The following TOR1AIP1 variants were observed in gnomAD, a reference collection of about 807,000 sequenced individuals.
TOR1AIP1 encodes torsin-1A-interacting protein 1.
Under a neutral mutation model 63.3 loss-of-function variants are expected in TOR1AIP1, and 54 were observed. That is an observed-to-expected ratio of 0.85 (90% CI 0.69 to 1.07). The LOEUF is 1.07. Ranked by LOEUF, TOR1AIP1 falls within the 50% of genes least tolerant of loss-of-function variation. The pLI is 0.00. For missense variants in TOR1AIP1, 736 were observed against 715.0 expected (o/e 1.03, Z -0.33); for synonymous variants, 294 against 273.5 (o/e 1.07, Z -0.74).
intron 2 of TOR1AIP1, among the ~76,000 whole-genome samples, chr1:179,886,065 A>G (rs1017688427): frequency 2.6e-5 from 4 of 152,126 alleles, no homozygotes; most frequent in Non-Finnish European, 5.9e-5. Context: ...TGAATAGTCT[A>G]TGTTACTGTG....
intron 7 of TOR1AIP1, among the ~76,000 whole-genome samples, chr1:179,908,332 T>G (rs1648718483): frequency 6.6e-6 from 1 of 152,218 alleles, no homozygotes; most frequent in African/African-American, 2.4e-5. Flanking sequence ...ATAATTACTC[T>G]GTGATATGGA....
At chr1:179,895,720 C>T (rs1371990215) in intron 3 of TOR1AIP1, among the ~76,000 whole-genome samples, 2 of 151,872 alleles carry the variant, frequency 1.3e-5, no homozygotes, top group East Asian at 1.9e-4. Context: ...GCCAACATGG[C>T]GAAACCCCGT....
intron 3 of TOR1AIP1, among the ~76,000 whole-genome samples, chr1:179,899,572 A>G (rs1648383513): frequency 1.3e-5 from 2 of 152,214 alleles, no homozygotes; most frequent in South Asian, 4.1e-4. Context: ...GTAGAATTTA[A>G]TGTTTTTTTT....
At chr1:179,903,821 A>T in intron 5 of TOR1AIP1, 145 bp from the exon 6 acceptor site, 1 of 533,370 alleles carries the variant, frequency 1.9e-6, no homozygotes, top group Admixed American at 3.8e-5. Flanking sequence ...GAAATTTTTT[A>T]AATAAATTAT....
chr1:179,906,574 TA>T (rs1648637481), intron 6 of TOR1AIP1, among the ~76,000 whole-genome samples: 1 of 152,190 alleles, frequency 6.6e-6, no homozygotes, highest in African/African-American at 2.4e-5. Flanking sequence ...TAGCATGTTT[TA>T]CTTCATAGCT....
chr1:179,913,302 T>G (rs1648897713), intron 8 of TOR1AIP1, among the ~76,000 whole-genome samples: 1 of 152,104 alleles, frequency 6.6e-6, no homozygotes, highest in Admixed American at 6.6e-5. Context: ...AAAGTAGAAA[T>G]TTGACAGAGT....
chr1:179,918,363 C>G lies in TOR1AIP1; in HGVS notation c.*124C>G. 1 of 844,890 alleles carries G rather than the reference C, an allele frequency of 1.2e-6. No homozygotes were observed. Among genetic ancestry groups the G allele is most frequent in the Non-Finnish European group, 1.8e-6 (1 of 561,352 alleles). The allele number at this position is 844,890 out of a possible 1,614,324, so 52.3% of individuals were successfully genotyped here. ...TCTTTTTAAAGAAGTTAAGTGCTTA[C>G]ATAAACATGGAACATATAAATCATT... On this transcript the variant is annotated 3_prime_UTR_variant, in exon 10 of 10. Coordinates refer to ENST00000606911, the MANE Select transcript of TOR1AIP1 (RefSeq NM_015602.4).
Position 179,904,004 on chromosome 1 carries a change from T to C in TOR1AIP1, c.778T>C (p.Phe260Leu). The C allele has an allele frequency of 6.2e-7, 1 of 1,608,420 alleles. No individual in the cohort carries two copies. Among genetic ancestry groups the C allele is most frequent in the Non-Finnish European group, 8.5e-7 (1 of 1,176,306 alleles). The change falls in exon 6 of 10, where the codon TTT becomes CTT. Residue 260 changes from phenylalanine (F) to leucine (L), a missense_variant. Phe to Leu is a conservative substitution (Grantham distance 22). This residue lies in a region of TOR1AIP1 where 464 missense variants were observed against 371.0 expected (regional missense o/e 1.25). Coordinates refer to ENST00000606911, the MANE Select transcript of TOR1AIP1 (RefSeq NM_015602.4). The stretch of plus-strand genomic sequence containing the variant: ...ATCATCTAGTCAATATATAGAATCA[T>C]TTTGGCAGTCATCACAAAGTAAGTA... ...TRSSSQYIES[F>L]WQSSQSQNFT... is the part of the protein sequence containing the mutation.
rs532476723 is a variant in TOR1AIP1 at position 179,892,651 on chromosome 1, T to A, written c.610+3282T>A. Among the ~76,000 whole-genome samples, 16 of 147,166 alleles carry A rather than the reference T, an allele frequency of 1.1e-4. No homozygotes were observed. In the East Asian group the frequency reaches 2.9e-3, roughly 26 times the overall value. On this transcript the variant is annotated intron_variant, in intron 3 of 9. Coordinates refer to ENST00000606911, the MANE Select transcript of TOR1AIP1 (RefSeq NM_015602.4). ...TACTTGGGAGGCTGAGGCAGGAGAA[T>A]GGCGTGAAGTTGGGAGGTGGTGCTT...
chr1:179,882,850 C>G lies in TOR1AIP1; in HGVS notation c.348C>G (p.Pro116=), dbSNP rs1647767763. ...CTAGGCAGCGGAGGCAGCCGCGACC[C>G]CAGGAAACCGAGGAAATGAAGACGC... ...LRSRQRRQPR[P]QETEEMKTRR... Residue 116 remains proline (P), a synonymous_variant, in exon 1 of 10, where the codon CCC becomes CCG. Transcript: ENST00000606911. The G allele has an allele frequency of 6.2e-7, 1 of 1,614,074 alleles. No individual in the cohort carries two copies. The highest frequency in any genetic ancestry group is 8.5e-7 in the Non-Finnish European group (1 of 1,180,028).
At chr1:179,891,701 G>A (rs1244154968) in intron 3 of TOR1AIP1, among the ~76,000 whole-genome samples, 5 of 151,914 alleles carry the variant, frequency 3.3e-5, no homozygotes, top group Admixed American at 2.6e-4. Flanking sequence ...AAGCAGCTGG[G>A]ATTACAGATG....
chr1:179,907,882 T>G lies in TOR1AIP1; in HGVS notation c.838+18T>G. 1.3e-6 allele frequency: 2 copies of G among 1,499,490 alleles called. No homozygotes were observed. The highest frequency in any genetic ancestry group is 1.8e-6 in the Non-Finnish European group (2 of 1,104,654). 92.9% of individuals were successfully genotyped at this position (1,499,490 alleles called of 1,614,324 possible). ...AGTGCTAAGTAAGTAGTTGGTTGTCTGCTCTTTTTTCAGCCAATCAATTCT... is the reference window on the plus strand; with the variant it reads ...AGTGCTAAGTAAGTAGTTGGTTGTCGGCTCTTTTTTCAGCCAATCAATTCT... On this transcript the variant is annotated intron_variant, in intron 7 of 9. Coordinates refer to ENST00000606911, the MANE Select transcript of TOR1AIP1 (RefSeq NM_015602.4).
chr1:179,913,178 G>A (rs1253206620), intron 8 of TOR1AIP1, among the ~76,000 whole-genome samples: 1 of 149,156 alleles, frequency 6.7e-6, no homozygotes, highest in Non-Finnish European at 1.5e-5. Flanking sequence ...TGCCCAGGCT[G>A]GCCTTAAACT....
At chr1:179,894,241 ACT>A (rs1648194586) in intron 3 of TOR1AIP1, among the ~76,000 whole-genome samples, 3 of 146,804 alleles carry the variant, frequency 2.0e-5, no homozygotes, top group Admixed American at 6.9e-5. Flanking sequence ...ACAGAGCGAG[ACT>A]CTGTCTCAAA....
intron 3 of TOR1AIP1, among the ~76,000 whole-genome samples, chr1:179,893,386 T>G (rs1170256142): frequency 6.6e-6 from 1 of 152,206 alleles, no homozygotes; most frequent in Non-Finnish European, 1.5e-5. Flanking sequence ...TTCTTTGCTC[T>G]TTCCTGCTGC....
chr1:179,905,324 T>G (rs1648598194), intron 6 of TOR1AIP1, among the ~76,000 whole-genome samples: 1 of 152,066 alleles, frequency 6.6e-6, no homozygotes, highest in Admixed American at 6.5e-5. Flanking sequence ...GAGCTTGCCG[T>G]GAGCCGAGAT....
intron 3 of TOR1AIP1, among the ~76,000 whole-genome samples, chr1:179,889,721 C>T (rs996505067): frequency 6.6e-6 from 1 of 151,654 alleles, no homozygotes; most frequent in African/African-American, 2.4e-5. Flanking sequence ...GTGGCACAAC[C>T]AGGGCTGACT....
chr1:179,904,044 G>T (rs989951911), intron 6 of TOR1AIP1, 22 bp downstream of exon 6: 5 of 1,556,480 alleles, frequency 3.2e-6, no homozygotes, highest in Non-Finnish European at 4.4e-6. Flanking sequence ...TGTGTTTACA[G>T]TGTCTTCCTG....
intron 3 of TOR1AIP1, among the ~76,000 whole-genome samples, chr1:179,895,283 A>G (rs1648226508): frequency 6.6e-6 from 1 of 152,230 alleles, no homozygotes; most frequent in African/African-American, 2.4e-5. Flanking sequence ...AAGCTTCTGT[A>G]TGAACATTGG....
Sources: gnomAD v4.1 joint callset for allele counts (sites outside exome capture counted in the v4.1 genomes callset) on GRCh38, gnomAD v4.1.1 for gene constraint, gnomAD v4.1.1 regional missense constraint, MANE v1.5 for transcripts, NCBI Gene and HGNC (gene_info 2026-07-23, HGNC 2026-07-21) for gene names.